The following PIGL variants were observed in gnomAD, a reference collection of about 807,000 sequenced individuals.
The protein encoded by PIGL is N-acetylglucosaminyl-phosphatidylinositol de-N-acetylase.
In PIGL, 22 loss-of-function variants were observed where a neutral mutation model predicts 31.1. That is an observed-to-expected ratio of 0.71 (90% CI 0.51 to 1.01). The LOEUF is 1.01. PIGL is among the 50% of genes least tolerant of loss of function. The probability of loss-of-function intolerance (pLI) is 0.00; values close to 1 mark genes in which losing one functional copy is unlikely to be tolerated. For synonymous variants in PIGL, 131 were observed against 117.4 expected, an observed-to-expected ratio of 1.12 and a Z score of -0.75; for missense variants, 302 against 315.9, an observed-to-expected ratio of 0.96 and a Z score of 0.33.
At chr17:16,282,072 C>A (rs369999556) in intron 2 of PIGL, 69 of 514,216 alleles carry the variant, frequency 1.3e-4, no homozygotes, top group Non-Finnish European at 2.1e-4. Flanking sequence ...CTGCCCTGAT[C>A]TGGAGACCAC....
intron 2 of PIGL, among the ~76,000 whole-genome samples, chr17:16,237,848 T>C (rs1167811354): frequency 6.6e-6 from 1 of 150,384 alleles, no homozygotes; most frequent in Non-Finnish European, 1.5e-5. Context: ...TCTGTCACAC[T>C]GAAAGTCCTT....
At chr17:16,244,021 C>T (rs935057578) in intron 2 of PIGL, among the ~76,000 whole-genome samples, 2 of 152,150 alleles carry the variant, frequency 1.3e-5, no homozygotes, top group Non-Finnish European at 2.9e-5. Context: ...TCTTCTTGGG[C>T]TGAGTCAGTT....
chr17:16,270,354 CATATTTAG>C (rs2142768126), intron 2 of PIGL, among the ~76,000 whole-genome samples: 1 of 151,706 alleles, frequency 6.6e-6, no homozygotes, highest in South Asian at 2.1e-4. Flanking sequence ...CCCACTATAA[CATATTTAG>C]TTCATTGTCC....
chr17:16,220,028 T>C (rs573700830), intron 1 of PIGL, among the ~76,000 whole-genome samples: 3 of 152,136 alleles, frequency 2.0e-5, no homozygotes. Context: ...TCATAAAAAT[T>C]TGGGACCAGA....
At chr17:16,222,231 C>T (rs1169651444) in intron 1 of PIGL, among the ~76,000 whole-genome samples, 1 of 151,900 alleles carries the variant, frequency 6.6e-6, no homozygotes, top group Admixed American at 6.6e-5. Flanking sequence ...AGCATTAAAT[C>T]TCTTTTCAGG....
At chr17:16,229,858 A>ATTTTTTTTT (rs71150280) in intron 1 of PIGL, among the ~76,000 whole-genome samples, 27 of 97,690 alleles carry the variant, frequency 2.8e-4, no homozygotes, top group South Asian at 3.4e-4. Flanking sequence ...TAAAGTCATG[A>ATTTTTTTTT]TTTTTTTTTT....
At chr17:16,217,631 C>CAAT in intron 1 of PIGL, 170 bp downstream of exon 1, 1 of 542,316 alleles carries the variant, frequency 1.8e-6, no homozygotes, top group South Asian at 2.9e-5. Flanking sequence ...GCCGGCTTAC[C>CAAT]TGGTGGGTTG....
At chr17:16,293,513 AG>A (rs1175031268) in intron 2 of PIGL, among the ~76,000 whole-genome samples, 3 of 152,178 alleles carry the variant, frequency 2.0e-5, no homozygotes, top group African/African-American at 7.2e-5. Flanking sequence ...GGGTGACAGA[AG>A]GAGACTCCGT....
chr17:16,317,821 C>T lies in PIGL; in HGVS notation c.573C>T (p.Tyr191=), dbSNP rs745876577. 1.2e-6 allele frequency: 2 copies of T among 1,614,160 alleles called. No homozygotes were observed. Among genetic ancestry groups the T allele is most frequent in the South Asian group, 1.1e-5 (1 of 91,076 alleles). ...AGTCTGTGAATGTGCTGCGCAAGTACATCTCCCTTCTGGATCTGCCCTTGT... is the reference window on the plus strand; with the variant it reads ...AGTCTGTGAATGTGCTGCGCAAGTATATCTCCCTTCTGGATCTGCCCTTGT... ...TLQSVNVLRK[Y]ISLLDLPLSL... The change falls in exon 6 of 7, where the codon TAC becomes TAT. Residue 191 remains tyrosine (Y), a synonymous_variant. Transcript: ENST00000225609.
chr17:16,295,178 C>T (rs1003494013), intron 2 of PIGL, among the ~76,000 whole-genome samples: 1 of 151,090 alleles, frequency 6.6e-6, no homozygotes, highest in Non-Finnish European at 1.5e-5. Context: ...CTGAGGCGGG[C>T]GGATCATCTG....
intron 2 of PIGL, among the ~76,000 whole-genome samples, chr17:16,267,141 A>G (rs1042459519): frequency 6.6e-6 from 1 of 152,212 alleles, no homozygotes; most frequent in Non-Finnish European, 1.5e-5. Context: ...TTGATAACCT[A>G]AACAATTAAC....
chr17:16,309,648 C>G (rs957796733), intron 3 of PIGL, among the ~76,000 whole-genome samples: 2 of 152,148 alleles, frequency 1.3e-5, no homozygotes, highest in African/African-American at 4.8e-5. Context: ...GTAATCCCAG[C>G]TACTCGGAAG....
chr17:16,272,884 C>T lies in PIGL; in HGVS notation c.336-27004C>T, dbSNP rs776494965. ...CTGGTCCTCTATGATTCTCAGTGTT[C>T]GATGCACACTCTGTAGTTGTGATTG... On this transcript the variant is annotated intron_variant, in intron 2 of 6. Transcript: ENST00000225609. Among the ~76,000 whole-genome samples, 21 of 152,186 alleles carry T rather than the reference C, an allele frequency of 1.4e-4. No homozygotes were observed. In the South Asian group the frequency reaches 3.1e-3, roughly 23 times the overall value.
intron 2 of PIGL, among the ~76,000 whole-genome samples, chr17:16,260,256 C>T (rs1212397795): frequency 2.0e-5 from 3 of 152,170 alleles, no homozygotes; most frequent in African/African-American, 2.4e-5. Context: ...GGCAGGTGCC[C>T]GATGAAGCCC....
At chr17:16,269,643 C>T (rs2092861509) in intron 2 of PIGL, among the ~76,000 whole-genome samples, 1 of 132,178 alleles carries the variant, frequency 7.6e-6, no homozygotes, top group African/African-American at 2.9e-5. Flanking sequence ...AGCGAGACTC[C>T]GTCTCAAAAA....
At chr17:16,320,008 G>A (rs1304964282) in intron 6 of PIGL, among the ~76,000 whole-genome samples, 1 of 151,282 alleles carries the variant, frequency 6.6e-6, no homozygotes. Context: ...GAACCAAGTC[G>A]GGGATTGTGG....
chr17:16,225,583 G>A (rs2092648905), intron 1 of PIGL, among the ~76,000 whole-genome samples: 1 of 150,514 alleles, frequency 6.6e-6, no homozygotes, highest in Non-Finnish European at 1.5e-5. Context: ...AGTAGAGATG[G>A]GGTTTCACAC....
chr17:16,317,714 G>T, intron 5 of PIGL, 61 bp from the exon 6 acceptor site: 1 of 1,608,030 alleles, frequency 6.2e-7, no homozygotes. Flanking sequence ...AGGATGCTCA[G>T]GGGAAAATCT....
chr17:16,315,550 T>C (rs1171956175), intron 4 of PIGL, among the ~76,000 whole-genome samples: 1 of 152,066 alleles, frequency 6.6e-6, no homozygotes, highest in Non-Finnish European at 1.5e-5. Flanking sequence ...CTTTAAGGGC[T>C]ATAAGCTCTA....
Sources: allele counts gnomAD v4.1 joint callset (sites outside exome capture counted in the v4.1 genomes callset), GRCh38; gene constraint gnomAD v4.1.1; transcripts MANE v1.5; gene names NCBI Gene and HGNC (gene_info 2026-07-23, HGNC 2026-07-21).